The following DNAJC15 variants were observed in gnomAD, a reference collection of about 807,000 sequenced individuals.
DNAJC15 encodes the protein DnaJ heat shock protein family (Hsp40) member C15.
A neutral mutation model predicts 22.4 loss-of-function variants in DNAJC15; 27 were observed. The observed-to-expected ratio is 1.20, with a 90% CI of 0.89 to 1.66. The LOEUF is 1.66. DNAJC15 is among the 40% of genes most tolerant of loss of function. DNAJC15 has a pLI of 0.00. For missense variants in DNAJC15, 208 were observed against 187.1 expected (o/e 1.11, Z -0.65); for synonymous variants, 79 against 63.2 (o/e 1.25, Z -1.19).
chr13:43,055,056 A>G (rs1165745424), intron 1 of DNAJC15, among the ~76,000 whole-genome samples: 10 of 138,010 alleles, frequency 7.2e-5, no homozygotes, highest in African/African-American at 2.5e-4. Flanking sequence ...ATCAAGATAG[A>G]GAAGCTAAAA....
chr13:43,108,599 C>T lies in DNAJC15; in HGVS notation c.*1351C>T, dbSNP rs1208653123. 6.6e-6 allele frequency: 1 copy of T among 152,282 alleles called. No homozygotes were observed. The highest frequency in any genetic ancestry group is 3.4e-3 in the Middle Eastern group (1 of 294). 9.4% of individuals were successfully genotyped at this position (152,282 alleles called of 1,614,324 possible). ...CATTCTGTAGTTTAGGAGTTCTCAA[C>T]CTTGGCATTATTGACATGTTAGGCC... On this transcript the variant is annotated 3_prime_UTR_variant, in exon 6 of 6. Coordinates refer to ENST00000379221, the MANE Select transcript of DNAJC15 (RefSeq NM_013238.3).
intron 2 of DNAJC15, among the ~76,000 whole-genome samples, chr13:43,067,844 T>C (rs548902931): frequency 2.0e-5 from 3 of 152,270 alleles, no homozygotes; most frequent in Non-Finnish European, 2.9e-5. Flanking sequence ...CATACTATTA[T>C]AAAATCAAAT....
In DNAJC15 at chr13:43,072,770, G is replaced by T. The variant is rs553102966; in HGVS notation, c.234+3767G>T. 2.6e-5 allele frequency among the ~76,000 whole-genome samples: 4 copies of T among 152,164 alleles called. No homozygotes were observed. In the South Asian group the frequency reaches 8.3e-4, roughly 32 times the overall value. On this transcript the variant is annotated intron_variant, in intron 3 of 5. Coordinates refer to ENST00000379221, the MANE Select transcript of DNAJC15 (RefSeq NM_013238.3). ...GTGGAGATGGAGTTTCACCATGTTG[G>T]CCAGGCTGGTCTTGAGCTTCTGACC...
intron 5 of DNAJC15, among the ~76,000 whole-genome samples, chr13:43,089,026 G>A (rs2153441733): frequency 6.6e-6 from 1 of 152,210 alleles, no homozygotes; most frequent in Admixed American, 6.5e-5. Context: ...GAAGAACGTG[G>A]CTTACTCTTC....
intron 1 of DNAJC15, among the ~76,000 whole-genome samples, chr13:43,041,861 G>A (rs965682478): frequency 2.0e-5 from 3 of 152,248 alleles, no homozygotes; most frequent in Admixed American, 2.0e-4. Flanking sequence ...GGTGAATGAA[G>A]CCTACCTCTT....
chr13:43,059,227 A>G (rs980796446), intron 1 of DNAJC15, among the ~76,000 whole-genome samples: 2 of 152,106 alleles, frequency 1.3e-5, no homozygotes, highest in African/African-American at 4.8e-5. Flanking sequence ...GAAGTAGTCT[A>G]TTAATTTTAT....
At position 43,110,814 on chromosome 13, in the gene DNAJC15, TTA is replaced by T. The variant is rs1417185794; in HGVS notation, c.*3569_*3570del. On this transcript the variant is annotated 3_prime_UTR_variant, in exon 6 of 6. Transcript: ENST00000379221. ...AGTAATTATCTAAATGGCAGTAGGC[TTA>T]TAAAACTGAATTTTCACCAGCCACA... 1.3e-5 allele frequency: 2 copies of T among 152,218 alleles called. No homozygotes were observed. Among genetic ancestry groups the T allele is most frequent in the Non-Finnish European group, 2.9e-5 (2 of 68,040 alleles). The allele number at this position is 152,218 out of a possible 1,614,324, so 9.4% of individuals were successfully genotyped here.
At chr13:43,088,029 GAAA>G (rs2040697492) in intron 5 of DNAJC15, among the ~76,000 whole-genome samples, 1 of 152,184 alleles carries the variant, frequency 6.6e-6, no homozygotes, top group Admixed American at 6.5e-5. Context: ...TGGTGGTTAT[GAAA>G]TGAGTAGTTT....
chr13:43,045,986 A>G (rs1482179665), intron 1 of DNAJC15, among the ~76,000 whole-genome samples: 1 of 152,238 alleles, frequency 6.6e-6, no homozygotes, highest in African/African-American at 2.4e-5. Flanking sequence ...CACATAGTAA[A>G]TACTGAGTAT....
chr13:43,100,777 CTTG>C (rs946353275), intron 5 of DNAJC15, among the ~76,000 whole-genome samples: 1 of 152,034 alleles, frequency 6.6e-6, no homozygotes, highest in Non-Finnish European at 1.5e-5. Flanking sequence ...TGTGTTAGTT[CTTG>C]TTAGTTTATA....
At chr13:43,053,985 T>TGCAGC (rs1282622782) in intron 1 of DNAJC15, among the ~76,000 whole-genome samples, 18 of 152,240 alleles carry the variant, frequency 1.2e-4, no homozygotes, top group Admixed American at 7.9e-4. Flanking sequence ...CATCCTTGTC[T>TGCAGC]TGTTGCAGTT....
chr13:43,108,305 G>C lies in DNAJC15; in HGVS notation c.*1057G>C, dbSNP rs890600798. The C allele has an allele frequency of 1.3e-5, 2 of 152,116 alleles. No homozygotes were observed. The highest frequency in any genetic ancestry group is 1.9e-4 in the East Asian group (1 of 5,188). The allele number at this position is 152,116 out of a possible 1,614,324, so 9.4% of individuals were successfully genotyped here. On this transcript the variant is annotated 3_prime_UTR_variant, in exon 6 of 6. Transcript: ENST00000379221. Reference sequence around the variant, plus strand: ...ATCAATCGGAGTGATTAGAGTGCAGGGTTTCTGGAAAGCAAGGTTTGGACA... The same window carrying C: ...ATCAATCGGAGTGATTAGAGTGCAGCGTTTCTGGAAAGCAAGGTTTGGACA...
chr13:43,088,083 T>TTGCTTAGAGA (rs2040697705), intron 5 of DNAJC15, among the ~76,000 whole-genome samples: 1 of 152,156 alleles, frequency 6.6e-6, no homozygotes, highest in Admixed American at 6.5e-5. Context: ...AGAGGACAGA[T>TTGCTTAGAGA]TGCTTAGAGA....
chr13:43,037,522 A>G (rs1412342764), intron 1 of DNAJC15, among the ~76,000 whole-genome samples: 1 of 152,222 alleles, frequency 6.6e-6, no homozygotes, highest in Admixed American at 6.5e-5. Flanking sequence ...ATTTTAAAGT[A>G]GACAGGTCAG....
chr13:43,100,205 C>CTTTTT (rs368386623), intron 5 of DNAJC15, among the ~76,000 whole-genome samples: 18 of 110,504 alleles, frequency 1.6e-4, no homozygotes, highest in Non-Finnish European at 2.3e-4. Context: ...TTATTGAAGT[C>CTTTTT]TTTTTTTTTT....
At chr13:43,040,983 A>C (rs374210280) in intron 1 of DNAJC15, among the ~76,000 whole-genome samples, 1 of 152,244 alleles carries the variant, frequency 6.6e-6, no homozygotes, top group Non-Finnish European at 1.5e-5. Context: ...ATACTGAGAC[A>C]TTCCATTGCC....
intron 3 of DNAJC15, among the ~76,000 whole-genome samples, chr13:43,070,518 A>C (rs918832189): frequency 6.6e-6 from 1 of 152,104 alleles, no homozygotes; most frequent in Admixed American, 6.6e-5. Context: ...TGAGAAAACC[A>C]AATCAGGGTA....
chr13:43,090,334 C>T (rs190325757), intron 5 of DNAJC15, among the ~76,000 whole-genome samples: 19 of 152,354 alleles, frequency 1.2e-4, no homozygotes, highest in Non-Finnish European at 2.4e-4. Context: ...CTGAAACTAT[C>T]TGTTTGTTAT....
intron 3 of DNAJC15, among the ~76,000 whole-genome samples, chr13:43,072,581 ATT>A (rs140917513): frequency 4.7e-4 from 64 of 136,528 alleles, no homozygotes; most frequent in Admixed American, 3.1e-3. Flanking sequence ...TCACATCAGC[ATT>A]TTTTTTTTTT....
Sources: allele counts gnomAD v4.1 joint callset (sites outside exome capture counted in the v4.1 genomes callset), GRCh38; gene constraint gnomAD v4.1.1; transcripts MANE v1.5; gene names NCBI Gene and HGNC (gene_info 2026-07-23, HGNC 2026-07-21).